The following CACNA1C variants were observed in gnomAD, a reference collection of about 807,000 sequenced individuals.
The protein encoded by CACNA1C is voltage-dependent L-type calcium channel subunit alpha-1C.
In CACNA1C, 30 loss-of-function variants were observed where a neutral mutation model predicts 229.0. The observed-to-expected ratio is 0.13, with a 90% confidence interval of 0.10 to 0.18. The LOEUF is 0.18. Among genes scored for constraint, CACNA1C ranks in the 10% least tolerant of loss-of-function variants. The pLI is 1.00. For missense variants in CACNA1C, 1,658 were observed against 2,845.0 expected (o/e 0.58, Z 9.49); for synonymous variants, 1,114 against 1,132.5 (o/e 0.98, Z 0.33).
chr12:2,065,920 C>T (rs1245845315), intron 1 of CACNA1C, among the ~76,000 whole-genome samples: 1 of 152,086 alleles, frequency 6.6e-6, no homozygotes, highest in African/African-American at 2.4e-5. Context: ...GTTGGAATGG[C>T]AGGAAGGGGA....
At chr12:2,357,837 G>A (rs1456250297) in intron 3 of CACNA1C, among the ~76,000 whole-genome samples, 2 of 151,852 alleles carry the variant, frequency 1.3e-5, no homozygotes, top group African/African-American at 4.8e-5. Flanking sequence ...CAGGCATGGT[G>A]GAGGGTGCCT....
At chr12:2,515,190 A>G (rs1167828579) in intron 9 of CACNA1C, among the ~76,000 whole-genome samples, 1 of 152,188 alleles carries the variant, frequency 6.6e-6, no homozygotes, top group Non-Finnish European at 1.5e-5. Flanking sequence ...CAGGGGAATG[A>G]ATATTTTAAA....
At chr12:2,303,354 G>A (rs1171705131) in intron 3 of CACNA1C, among the ~76,000 whole-genome samples, 2 of 152,078 alleles carry the variant, frequency 1.3e-5, no homozygotes, top group African/African-American at 4.8e-5. Context: ...TTCTCCATGG[G>A]TCCTCACATG....
chr12:2,121,439 TATG>T (rs1041955089), intron 3 of CACNA1C, among the ~76,000 whole-genome samples: 7 of 152,150 alleles, frequency 4.6e-5, no homozygotes, highest in African/African-American at 1.7e-4. Context: ...CAAAAAAAAA[TATG>T]ATGCACGTTT....
chr12:2,638,364 C>T (rs2093157580), intron 30 of CACNA1C, among the ~76,000 whole-genome samples: 1 of 152,014 alleles, frequency 6.6e-6, no homozygotes, highest in African/African-American at 2.4e-5. Context: ...GAAGAGGTAG[C>T]AGGGCAGGAG....
At chr12:2,344,776 T>G (rs2096962882) in intron 3 of CACNA1C, among the ~76,000 whole-genome samples, 1 of 152,082 alleles carries the variant, frequency 6.6e-6, no homozygotes, top group African/African-American at 2.4e-5. Context: ...CAAGCTCATG[T>G]TTTTTTATTT....
rs1468402436 is a variant in CACNA1C, at chr12:2,410,541, G to A, written c.478-38435G>A. 1.3e-5 allele frequency among the ~76,000 whole-genome samples: 2 copies of A among 152,206 alleles called. No individual in the cohort carries two copies. Among genetic ancestry groups the A allele is most frequent in the African/African-American group, 4.8e-5 (2 of 41,456 alleles). ...AAGTAAATGAGGAAAAAATATGCTT[G>A]GAGTAAAAAGCATCTGGACCCTGTG... On this transcript the variant is annotated intron_variant, in intron 3 of 46. Coordinates refer to ENST00000399655, the MANE Select transcript of CACNA1C (RefSeq NM_000719.7). This position sits in a 1 kb window ranked among gnomAD's most constrained non-coding sequence, Gnocchi z 5.3.
chr12:2,260,387 G>A (rs1403582051), intron 3 of CACNA1C, among the ~76,000 whole-genome samples: 10 of 150,060 alleles, frequency 6.7e-5, no homozygotes, highest in Non-Finnish European at 1.3e-4. Context: ...GAGGTGGGAG[G>A]ATTGCTTGAG....
chr12:1,998,220 T>C (rs1297043456), intron 1 of CACNA1C, among the ~76,000 whole-genome samples: 1 of 152,230 alleles, frequency 6.6e-6, no homozygotes, highest in Non-Finnish European at 1.5e-5. Context: ...TATCTCTCTT[T>C]ACCAAATACA....
chr12:2,060,161 G>A (rs1233339308), intron 1 of CACNA1C, among the ~76,000 whole-genome samples: 2 of 152,028 alleles, frequency 1.3e-5, no homozygotes, highest in Non-Finnish European at 2.9e-5. Flanking sequence ...ACTTCCTCTC[G>A]GCCCCAATCT....
At chr12:2,048,855 A>G (rs2051563311), upstream of CACNA1C, among the ~76,000 whole-genome samples, 1 of 151,948 alleles carries the variant, frequency 6.6e-6, no homozygotes, top group African/African-American at 2.4e-5. Context: ...CAGACAGGGA[A>G]GAAGAAGAAG....
intron 3 of CACNA1C, among the ~76,000 whole-genome samples, chr12:2,438,240 T>G (rs2099166588): frequency 6.8e-6 from 1 of 146,356 alleles, no homozygotes; most frequent in African/African-American, 2.6e-5. Flanking sequence ...ATGGTGGGGA[T>G]GGTGATGATA....
At chr12:2,313,052 T>G (rs906822224) in intron 3 of CACNA1C, among the ~76,000 whole-genome samples, 10 of 152,320 alleles carry the variant, frequency 6.6e-5, no homozygotes, top group African/African-American at 2.4e-4. Flanking sequence ...ATTGAAATGC[T>G]GTACAGAATT....
chr12:1,974,141 T>A (rs1001281589), intron 1 of CACNA1C, among the ~76,000 whole-genome samples: 1 of 152,140 alleles, frequency 6.6e-6, no homozygotes, highest in African/African-American at 2.4e-5. Flanking sequence ...ACTTGCTGAG[T>A]TGAAATGAAA....
At chr12:2,516,338 A>G (rs1414348930) in intron 9 of CACNA1C, among the ~76,000 whole-genome samples, 1 of 152,158 alleles carries the variant, frequency 6.6e-6, no homozygotes, top group East Asian at 1.9e-4. Flanking sequence ...AGTAGGGTAT[A>G]TAAACTATTG....
chr12:2,437,729 TGGATGGTGGTAATGG>T (rs1472111831), intron 3 of CACNA1C, among the ~76,000 whole-genome samples: 4 of 150,240 alleles, frequency 2.7e-5, no homozygotes, highest in East Asian at 2.0e-4. Context: ...AGAGGTAGTT[TGGATGGTGGTAATGG>T]GGATGGTGGT....
At chr12:2,297,915 T>A (rs866926065) in intron 3 of CACNA1C, among the ~76,000 whole-genome samples, 1 of 151,544 alleles carries the variant, frequency 6.6e-6, no homozygotes, top group Non-Finnish European at 1.5e-5. Context: ...AATAAATAAA[T>A]AGAGAAGGAG....
intron 30 of CACNA1C, among the ~76,000 whole-genome samples, chr12:2,640,769 G>A (rs2093591454): frequency 6.6e-6 from 1 of 152,176 alleles, no homozygotes; most frequent in African/African-American, 2.4e-5. Flanking sequence ...TCCTATAACT[G>A]TCACTCACTA....
At chr12:2,267,129 G>A (rs991198091) in intron 3 of CACNA1C, among the ~76,000 whole-genome samples, 1 of 152,124 alleles carries the variant, frequency 6.6e-6, no homozygotes, top group African/African-American at 2.4e-5. Flanking sequence ...ATTGCCCGGC[G>A]CTGTGTTTCC....
Sources: allele counts gnomAD v4.1 joint callset (sites outside exome capture counted in the v4.1 genomes callset), GRCh38; gene constraint gnomAD v4.1.1; non-coding constraint Gnocchi (gnomAD v3.1); transcripts MANE v1.5; gene names NCBI Gene and HGNC (gene_info 2026-07-23, HGNC 2026-07-21).